LARGE1: variants seen among roughly 807,000 people sequenced by gnomAD.
LARGE1 encodes the protein LARGE xylosyl- and glucuronyltransferase 1.
Under a neutral mutation model 87.6 loss-of-function variants are expected in LARGE1, and 43 were observed. That is an observed-to-expected ratio of 0.49 (90% confidence interval 0.38 to 0.63). The LOEUF (loss-of-function observed/expected upper bound fraction) is 0.63, where lower values mean the gene tolerates loss of function less well. Ranked by LOEUF, LARGE1 falls within the 30% of genes least tolerant of loss-of-function variation. The pLI, the probability that LARGE1 is intolerant of heterozygous loss-of-function variation, is 0.00. For missense variants in LARGE1, 802 were observed against 1,000.2 expected (o/e 0.80, Z 2.67); for synonymous variants, 434 against 394.6 (o/e 1.10, Z -1.18).
At chr22:33,649,637 G>A (rs1304256298) in intron 3 of LARGE1, among the ~76,000 whole-genome samples, 1 of 152,144 alleles carries the variant, frequency 6.6e-6, no homozygotes, top group Admixed American at 6.5e-5. Context: ...AATCACTAAA[G>A]CTGGGATATG....
At chr22:33,364,168 C>T (rs891279565) in intron 9 of LARGE1, among the ~76,000 whole-genome samples, 2 of 152,128 alleles carry the variant, frequency 1.3e-5, no homozygotes, top group Admixed American at 6.5e-5. Context: ...CATTCTCCTG[C>T]CTCAGCCTCC....
chr22:33,532,848 C>G (rs1053742367), intron 6 of LARGE1, among the ~76,000 whole-genome samples: 2 of 152,198 alleles, frequency 1.3e-5, no homozygotes, highest in Non-Finnish European at 2.9e-5. Context: ...CTGGAACCTG[C>G]TCATCGATGA....
At chr22:33,836,776 C>T (rs2063118990) in intron 1 of LARGE1, among the ~76,000 whole-genome samples, 1 of 151,032 alleles carries the variant, frequency 6.6e-6, no homozygotes, top group South Asian at 2.1e-4. Context: ...ATAGGGATGG[C>T]CATCATTATC....
intron 9 of LARGE1, among the ~76,000 whole-genome samples, chr22:33,376,560 T>C (rs963008310): frequency 2.0e-5 from 3 of 152,242 alleles, no homozygotes; most frequent in African/African-American, 7.2e-5. Context: ...GACAGCTTTT[T>C]TTCAAGATGT....
chr22:33,458,349 C>A (rs1327700289), intron 6 of LARGE1, among the ~76,000 whole-genome samples: 1 of 152,142 alleles, frequency 6.6e-6, no homozygotes, highest in East Asian at 1.9e-4. Flanking sequence ...CATGATCCGC[C>A]CGCCTTGGCC....
intron 6 of LARGE1, among the ~76,000 whole-genome samples, chr22:33,495,759 G>A (rs2070083741): frequency 6.6e-6 from 1 of 152,062 alleles, no homozygotes; most frequent in Non-Finnish European, 1.5e-5. Context: ...ACTAAAGTTT[G>A]TATTTCAATG....
intron 5 of LARGE1, among the ~76,000 whole-genome samples, chr22:33,593,317 A>G (rs1422292301): frequency 6.6e-6 from 1 of 152,184 alleles, no homozygotes; most frequent in Non-Finnish European, 1.5e-5. Flanking sequence ...TGCTGGGATT[A>G]CAGGCGTGAG....
At chr22:33,766,085 C>T (rs1015118008) in intron 1 of LARGE1, among the ~76,000 whole-genome samples, 4 of 152,108 alleles carry the variant, frequency 2.6e-5, no homozygotes, top group Non-Finnish European at 4.4e-5. Context: ...GAAGTCAACA[C>T]AGAAATCAAC....
At chr22:33,919,587 C>T (rs2065883983) in intron 1 of LARGE1, among the ~76,000 whole-genome samples, 1 of 152,216 alleles carries the variant, frequency 6.6e-6, no homozygotes, top group Non-Finnish European at 1.5e-5. Context: ...AAAAGTTATT[C>T]ACAGCATCAC....
At chr22:33,868,259 G>T (rs1470081689) in intron 1 of LARGE1, among the ~76,000 whole-genome samples, 1 of 152,170 alleles carries the variant, frequency 6.6e-6, no homozygotes, top group Non-Finnish European at 1.5e-5. Flanking sequence ...ACCACAGCCG[G>T]CCTCGTCGGA....
At chr22:33,206,498 G>T (rs1307416610) in intron 11 of LARGE1, among the ~76,000 whole-genome samples, 2 of 152,004 alleles carry the variant, frequency 1.3e-5, no homozygotes, top group Non-Finnish European at 2.9e-5. Context: ...TGCTTTCTAT[G>T]ACTTTTTGCA....
intron 11 of LARGE1, among the ~76,000 whole-genome samples, chr22:33,265,096 G>A (rs548452775): frequency 6.6e-6 from 1 of 151,496 alleles, no homozygotes; most frequent in South Asian, 2.1e-4. Flanking sequence ...GAGATGGGGT[G>A]ATTTCACCAT....
chr22:33,109,326 A>G, the LARGE1 span: 1 of 152,010 alleles, frequency 6.6e-6, no homozygotes, highest in African/African-American at 2.4e-5. Context: ...AAAAAAAAAA[A>G]AGTTAACAGA....
chr22:33,759,132 G>A (rs2084628022), intron 2 of LARGE1, among the ~76,000 whole-genome samples: 1 of 152,182 alleles, frequency 6.6e-6, no homozygotes, highest in Non-Finnish European at 1.5e-5. Flanking sequence ...AGGGATAGAG[G>A]GAGACCTAGC....
intron 6 of LARGE1, among the ~76,000 whole-genome samples, chr22:33,483,465 T>C (rs2069420930): frequency 6.6e-6 from 1 of 152,080 alleles, no homozygotes; most frequent in African/African-American, 2.4e-5. Context: ...TCCAGAGGAC[T>C]GAGAGGGTGA....
intron 7 of LARGE1, among the ~76,000 whole-genome samples, chr22:33,408,109 T>A (rs2066168805): frequency 6.6e-6 from 1 of 151,938 alleles, no homozygotes; most frequent in African/African-American, 2.4e-5. Flanking sequence ...GCCTCCTAAG[T>A]AGCTGGGATT....
At chr22:33,568,766 C>CAAAAAAAAAAAAAAA (rs57651807) in intron 5 of LARGE1, among the ~76,000 whole-genome samples, 3 of 92,764 alleles carry the variant, frequency 3.2e-5, no homozygotes, top group Non-Finnish European at 6.7e-5. Context: ...AACTCAGTCT[C>CAAAAAAAAAAAAAAA]AAAAAAAAAA....
At chr22:33,405,562 G>A (rs1408306499) in intron 7 of LARGE1, among the ~76,000 whole-genome samples, 2 of 152,098 alleles carry the variant, frequency 1.3e-5, no homozygotes, top group South Asian at 2.1e-4. Flanking sequence ...TTTCTAGGTG[G>A]GGAGTGAAGA....
At chr22:33,696,838 G>T (rs1262685201) in intron 2 of LARGE1, among the ~76,000 whole-genome samples, 2 of 152,006 alleles carry the variant, frequency 1.3e-5, no homozygotes, top group Admixed American at 1.3e-4. Flanking sequence ...AGTTGCTCTA[G>T]GTATTATATT....
Sources: gnomAD v4.1 joint callset for allele counts (sites outside exome capture counted in the v4.1 genomes callset) on GRCh38, gnomAD v4.1.1 for gene constraint, MANE v1.5 for transcripts, NCBI Gene and HGNC (gene_info 2026-07-23, HGNC 2026-07-21) for gene names.